The following HERC2 variants were observed in gnomAD, a reference collection of about 807,000 sequenced individuals.
HERC2 encodes E3 ubiquitin-protein ligase HERC2.
Under a neutral mutation model 537.7 loss-of-function variants are expected in HERC2, and 102 were observed. That is an observed-to-expected ratio of 0.19 (90% CI 0.16 to 0.22). The LOEUF (loss-of-function observed/expected upper bound fraction) is 0.22. Ranked by LOEUF, HERC2 falls within the 10% of genes least tolerant of loss-of-function variation. HERC2 has a pLI of 1.00. For synonymous variants in HERC2, 2,224 were observed against 2,466.2 expected, an observed-to-expected ratio of 0.90 and a Z score of 2.91; for missense variants, 4,236 against 6,198.2, an observed-to-expected ratio of 0.68 and a Z score of 10.63.
At chr15:28,276,949 T>C (rs1174794073) in intron 5 of HERC2, among the ~76,000 whole-genome samples, 2 of 151,972 alleles carry the variant, frequency 1.3e-5, no homozygotes, top group South Asian at 2.1e-4. Context: ...GTGTCATGCA[T>C]CTGTAGTCCC....
rs753065591 is a variant in HERC2, at chr15:28,174,519, G to C, written c.9933C>G (p.Ile3311Met). The C allele has an allele frequency of 3.7e-6, 6 of 1,614,004 alleles. No individual in the cohort carries two copies. Among genetic ancestry groups the C allele is most frequent in the Non-Finnish European group, 5.1e-6 (6 of 1,179,888 alleles). ...GGGACGACCCACAAGCCACGCGTGT[G>C]ATCTTCTGGCCTTCTAAGCCTTGCA... is the stretch of plus-strand genomic sequence containing the variant. ...TLVQGLEGQK[I>M]TRVACGSSHS... The change falls in exon 65 of 93, where the codon ATC (isoleucine) becomes ATG (methionine). Residue 3311 changes from isoleucine (I) to methionine (M), a missense_variant. Transcript: ENST00000261609.
chr15:28,156,959 G>C (rs1158408443), intron 69 of HERC2, among the ~76,000 whole-genome samples: 2 of 152,158 alleles, frequency 1.3e-5, no homozygotes, highest in Admixed American at 1.3e-4. Context: ...TAGCATGAAG[G>C]GCTGTTGAAT....
intron 55 of HERC2, among the ~76,000 whole-genome samples, chr15:28,189,652 TAA>T (rs1391213723): frequency 6.6e-6 from 1 of 152,144 alleles, no homozygotes; most frequent in Non-Finnish European, 1.5e-5. Flanking sequence ...TCAAAATAGC[TAA>T]AAGAGAGGAT....
intron 2 of HERC2, among the ~76,000 whole-genome samples, chr15:28,318,167 C>T (rs776959018): frequency 2.0e-5 from 3 of 152,086 alleles, no homozygotes; most frequent in African/African-American, 7.2e-5. Context: ...GCTTAACTGA[C>T]GTTTTGGTTT....
chr15:28,158,652 C>T (rs1433722088), intron 69 of HERC2, among the ~76,000 whole-genome samples: 1 of 152,038 alleles, frequency 6.6e-6, no homozygotes, highest in Admixed American at 6.6e-5. Context: ...GATGGGTTTC[C>T]TGAATACAGC....
chr15:28,242,714 T>C (rs182298755), intron 23 of HERC2, among the ~76,000 whole-genome samples: 63 of 152,232 alleles, frequency 4.1e-4, no homozygotes, highest in Non-Finnish European at 4.1e-4. Flanking sequence ...ATGACCAATA[T>C]CATGAGCAAA....
At chr15:28,247,886 C>T (rs761579222) in intron 21 of HERC2, among the ~76,000 whole-genome samples, 2 of 152,164 alleles carry the variant, frequency 1.3e-5, no homozygotes, top group Non-Finnish European at 2.9e-5. Flanking sequence ...GGGAAAAAAA[C>T]AGCTACAAAA....
At chr15:28,313,853 G>A (rs980279892) in intron 2 of HERC2, among the ~76,000 whole-genome samples, 1 of 152,112 alleles carries the variant, frequency 6.6e-6, no homozygotes, top group Non-Finnish European at 1.5e-5. Context: ...AAGAGGCCCA[G>A]AGAACCTAAG....
At chr15:28,287,734 T>G (rs867767736) in intron 4 of HERC2, among the ~76,000 whole-genome samples, 3,441 of 144,524 alleles carry the variant, frequency 0.024, 133 homozygotes, top group African/African-American at 0.083. Context: ...TTTTTTTTTT[T>G]TTTTGGTTTG....
rs75620448 is a variant in HERC2 at position 28,113,346 on chromosome 15, C to G, written c.14020-63G>C. On this transcript the variant is annotated intron_variant, in intron 91 of 92. Coordinates refer to ENST00000261609, the MANE Select transcript of HERC2 (RefSeq NM_004667.6). This position sits in a 1 kb window ranked among gnomAD's most constrained non-coding sequence, Gnocchi z 7.0. ...CCACCCTGGCATTTCCGCAAGACTCCGTCACGCTCCCTCTCTACACCAAGG... is the reference window on the plus strand; with the variant it reads ...CCACCCTGGCATTTCCGCAAGACTCGGTCACGCTCCCTCTCTACACCAAGG... 2.0e-5 allele frequency: 30 copies of G among 1,514,648 alleles called. No individual in the cohort carries two copies. In the African/African-American group the frequency reaches 4.0e-4, roughly 20 times the overall value. The allele number at this position is 1,514,648 out of a possible 1,614,324, so 93.8% of individuals were successfully genotyped here. A position where few individuals can be genotyped will look rare whatever the true frequency, so the allele number is the denominator to read the frequency against.
chr15:28,240,178 G>A (rs1902920881), intron 23 of HERC2, among the ~76,000 whole-genome samples: 1 of 152,194 alleles, frequency 6.6e-6, no homozygotes, highest in Non-Finnish European at 1.5e-5. Context: ...CAGCACTTTG[G>A]GAGGCCAAGG....
intron 30 of HERC2, among the ~76,000 whole-genome samples, chr15:28,232,360 G>A (rs929589827): frequency 1.3e-5 from 2 of 152,076 alleles, no homozygotes; most frequent in African/African-American, 2.4e-5. Flanking sequence ...GGCCAACATG[G>A]TGAAACTCCG....
In HERC2 at chr15:28,292,933, T is replaced by C; in HGVS notation, c.277A>G (p.Arg93Gly). The stretch of plus-strand genomic sequence containing the variant: ...CAGCTGTCCAGAATTGACTTGGCCC[T>C]ATATATAGGTGCAGGAGTTTCTTCT... ...DEEETPAPIY[R>G]AKSILDSWVW... is the part of the protein sequence containing the mutation. Residue 93 changes from arginine to glycine, a missense_variant, in exon 4 of 93, where the codon AGG becomes GGG. By Grantham distance (125) the Arg-to-Gly change is moderately radical. Transcript: ENST00000261609. 6.2e-7 allele frequency: 1 copy of C among 1,611,128 alleles called. No homozygotes were observed. The highest frequency in any genetic ancestry group is 8.5e-7 in the Non-Finnish European group (1 of 1,179,648).
chr15:28,262,166 C>T (rs937118552), intron 15 of HERC2, among the ~76,000 whole-genome samples: 4 of 152,172 alleles, frequency 2.6e-5, no homozygotes, highest in Non-Finnish European at 5.9e-5. Flanking sequence ...CAACAGTTCT[C>T]GATTAGGATG....
rs1049989374 is a variant in HERC2, at chr15:28,116,195, G to GATCAAT, written c.13609+464_13609+469dup. On this transcript the variant is annotated intron_variant, in intron 88 of 92. Coordinates refer to ENST00000261609, the MANE Select transcript of HERC2 (RefSeq NM_004667.6). ...CTTCCACAATGTTGGTGAAAGGCAC[G>GATCAAT]ATCAATATTAAAAGTCTTTTCTTTT... Among the ~76,000 whole-genome samples the GATCAAT allele has an allele frequency of 2.0e-5, 3 of 150,822 alleles. No homozygotes were observed. In the Admixed American group the frequency reaches 2.0e-4, roughly 10 times the overall value.
chr15:28,183,575 C>T (rs1896024493), intron 56 of HERC2, among the ~76,000 whole-genome samples: 1 of 152,164 alleles, frequency 6.6e-6, no homozygotes, highest in Non-Finnish European at 1.5e-5. Flanking sequence ...AAAGAGTACA[C>T]AGGACAGTGT....
At chr15:28,303,165 T>C (rs1285304316) in intron 2 of HERC2, among the ~76,000 whole-genome samples, 2 of 152,210 alleles carry the variant, frequency 1.3e-5, no homozygotes, top group African/African-American at 2.4e-5. Flanking sequence ...TTACTCCATT[T>C]TGATGTGATT....
intron 86 of HERC2, 61 bp from the exon 87 acceptor site, chr15:28,117,215 G>C (rs1372151659): frequency 1.3e-6 from 2 of 1,536,404 alleles, no homozygotes; most frequent in Admixed American, 3.3e-5. Context: ...ACACAGTCGG[G>C]GATATGCGGC....
At position 28,175,372 on chromosome 15, in the gene HERC2, C is replaced by T. The variant is rs569854055; in HGVS notation, c.9831+140G>A. The T allele has an allele frequency of 4.7e-5, 40 of 848,588 alleles. No individual in the cohort carries two copies. The East Asian group carries it at 7.2e-4, about 15-fold the overall frequency. The allele number at this position is 848,588 out of a possible 1,614,324, so 52.6% of individuals were successfully genotyped here. On this transcript the variant is annotated intron_variant, in intron 64 of 92. Coordinates refer to ENST00000261609, the MANE Select transcript of HERC2 (RefSeq NM_004667.6). ...ACCAGTGGGCAAAAGGAACAGGACC[C>T]GCCCTCATGGTTCTCCAAGCAGTAA... is the stretch of plus-strand genomic sequence containing the variant.
Sources: allele counts gnomAD v4.1 joint callset (sites outside exome capture counted in the v4.1 genomes callset), GRCh38; gene constraint gnomAD v4.1.1; non-coding constraint Gnocchi (gnomAD v3.1); transcripts MANE v1.5; gene names NCBI Gene and HGNC (gene_info 2026-07-23, HGNC 2026-07-21).